The following CUBN variants were observed in gnomAD, a reference collection of about 807,000 sequenced individuals.
CUBN encodes the protein cubilin, also known as 460 kDa receptor.
A neutral mutation model predicts 405.3 loss-of-function variants in CUBN; 282 were observed. The ratio of observed to expected loss-of-function variants is 0.70; its 90% CI spans 0.63 to 0.77. The LOEUF (loss-of-function observed/expected upper bound fraction) is 0.77. CUBN is among the 30% of genes least tolerant of loss of function. The probability of loss-of-function intolerance (pLI) is 0.00; values close to 1 mark genes in which losing one functional copy is unlikely to be tolerated. For missense variants in CUBN, 4,514 were observed against 4,475.2 expected, an observed-to-expected ratio of 1.01 and a Z score of -0.25; for synonymous variants, 1,684 against 1,617.0, an observed-to-expected ratio of 1.04 and a Z score of -0.99.
chr10:17,012,063 G>C (rs1352366098), intron 28 of CUBN, among the ~76,000 whole-genome samples: 3 of 152,144 alleles, frequency 2.0e-5, no homozygotes, highest in Admixed American at 1.3e-4. Flanking sequence ...AACTCTTTAG[G>C]CTAATGAAAG....
At chr10:17,074,087 T>C (rs1008192697) in intron 17 of CUBN, among the ~76,000 whole-genome samples, 6 of 152,224 alleles carry the variant, frequency 3.9e-5, no homozygotes, top group African/African-American at 1.4e-4. Flanking sequence ...CATCCAAATA[T>C]TAATTCATTC....
chr10:17,045,494 A>T (rs1256642218), intron 24 of CUBN, among the ~76,000 whole-genome samples: 1 of 150,976 alleles, frequency 6.6e-6, no homozygotes, highest in Non-Finnish European at 1.5e-5. Context: ...CTAGTAGCTG[A>T]GATTATAGGC....
chr10:17,088,227 T>C lies in CUBN; in HGVS notation c.1884A>G (p.Val628=), dbSNP rs1318230641. 2.5e-6 allele frequency: 4 copies of C among 1,613,872 alleles called. No individual in the cohort carries two copies. The South Asian group carries it at 4.4e-5, about 18-fold the overall frequency. Residue 628 remains valine (V), a synonymous_variant, in exon 15 of 67, where the codon GTA becomes GTG. Coordinates refer to ENST00000377833, the MANE Select transcript of CUBN (RefSeq NM_001081.4). ...WIVVTSPDLL[V]TFTFGTLSLE... The stretch of plus-strand genomic sequence containing the variant: ...GGCTCAAGGTCCCAAAAGTAAATGT[T>C]ACCAGGAGGTCAGGACTAGTTACAA...
intron 36 of CUBN, among the ~76,000 whole-genome samples, chr10:16,940,528 A>G (rs1842625605): frequency 6.6e-6 from 1 of 152,230 alleles, no homozygotes; most frequent in South Asian, 2.1e-4. Context: ...TGTGAGTGCC[A>G]TCAGAGTTAT....
chr10:16,925,607 A>C lies in CUBN; in HGVS notation c.6439T>G (p.Cys2147Gly), dbSNP rs757725121. 6.2e-7 allele frequency: 1 copy of C among 1,613,936 alleles called. No individual in the cohort carries two copies. The highest frequency in any genetic ancestry group is 1.3e-5 in the African/African-American group (1 of 74,912). ...PFQIPNGDSS[C>G]NQGDYLVLRN... ...ACCACCAAGTAATCCCCCTGGTTGCAAGAAGAATCTCCATTTGGAATCTGG... is the reference window on the plus strand; with the variant it reads ...ACCACCAAGTAATCCCCCTGGTTGCCAGAAGAATCTCCATTTGGAATCTGG... The change falls in exon 42 of 67, where the codon TGC (cysteine) becomes GGC (glycine). Residue 2147 changes from cysteine to glycine, a missense_variant. Physicochemically the swap from Cys to Gly is radical, Grantham distance 159. Transcript: ENST00000377833.
intron 6 of CUBN, among the ~76,000 whole-genome samples, chr10:17,118,610 A>G (rs1049253917): frequency 6.6e-6 from 1 of 152,038 alleles, no homozygotes; most frequent in Non-Finnish European, 1.5e-5. Flanking sequence ...TAAGTATTGC[A>G]TTTTTTGGTA....
chr10:16,981,063 C>T (rs1833256388), intron 31 of CUBN, among the ~76,000 whole-genome samples: 1 of 151,854 alleles, frequency 6.6e-6, no homozygotes, highest in South Asian at 2.1e-4. Flanking sequence ...CACCCTCAAG[C>T]CTGGATCTGC....
intron 41 of CUBN, among the ~76,000 whole-genome samples, chr10:16,927,724 C>T (rs1367774996): frequency 9.9e-5 from 15 of 152,226 alleles, no homozygotes; most frequent in Admixed American, 9.8e-4. Flanking sequence ...TCAAGAGCAA[C>T]AAACTCTTCC....
chr10:16,904,971 C>A (rs993102538), intron 50 of CUBN, among the ~76,000 whole-genome samples: 2 of 152,178 alleles, frequency 1.3e-5, no homozygotes, highest in Non-Finnish European at 2.9e-5. Flanking sequence ...CTGGCTGAGG[C>A]CCTTGGCCCG....
At position 17,084,379 on chromosome 10, in the gene CUBN, G is replaced by A; in HGVS notation, c.2193C>T (p.Thr731=). 1 of 1,614,094 alleles carries A rather than the reference G, an allele frequency of 6.2e-7. No homozygotes were observed. The highest frequency in any genetic ancestry group is 1.3e-5 in the African/African-American group (1 of 75,046). Residue 731 remains threonine, a synonymous_variant, in exon 17 of 67, where the codon ACC becomes ACT. Transcript: ENST00000377833. The part of the protein sequence containing the change: ...LPELSGPFTH[T]RQCVYMMKQP... The stretch of plus-strand genomic sequence containing the variant: ...GCTTCATCATATAGACGCATTGCCT[G>A]GTGTGAGTGAAAGGCCCAGACAACT...
chr10:17,123,745 G>C, intron 4 of CUBN, 56 bp from the exon 5 acceptor site: 1 of 1,209,662 alleles, frequency 8.3e-7, no homozygotes, highest in Admixed American at 1.8e-5. Context: ...GCAACAAAAC[G>C]CATGTTACCG....
intron 58 of CUBN, among the ~76,000 whole-genome samples, chr10:16,872,061 C>A (rs1840370067): frequency 6.6e-6 from 1 of 150,686 alleles, no homozygotes; most frequent in Non-Finnish European, 1.5e-5. Flanking sequence ...TCCATCTCTA[C>A]TAAATATATA....
intron 59 of CUBN, among the ~76,000 whole-genome samples, chr10:16,862,160 T>TCTCTCTCTCTCACACACA (rs144560387): frequency 2.3e-5 from 3 of 131,208 alleles, no homozygotes; most frequent in African/African-American, 9.7e-5. Context: ...TCTCTCTCTC[T>TCTCTCTCTCTCACACACA]CACACACACA....
At chr10:17,042,427 G>A (rs1288651248) in intron 26 of CUBN, among the ~76,000 whole-genome samples, 1 of 151,982 alleles carries the variant, frequency 6.6e-6, no homozygotes, top group African/African-American at 2.4e-5. Context: ...AATTTCCCAT[G>A]GCAAATTTTA....
At chr10:17,025,286 T>G (rs575551618) in intron 27 of CUBN, among the ~76,000 whole-genome samples, 2 of 152,196 alleles carry the variant, frequency 1.3e-5, no homozygotes, top group Non-Finnish European at 2.9e-5. Flanking sequence ...TGAGTGTCAC[T>G]AATAGAAGAT....
At chr10:16,955,770 C>T (rs1382732051) in intron 31 of CUBN, among the ~76,000 whole-genome samples, 1 of 152,190 alleles carries the variant, frequency 6.6e-6, no homozygotes, top group Admixed American at 6.5e-5. Flanking sequence ...ACAACAGAGG[C>T]ACAGAGAGCC....
chr10:16,848,736 C>G (rs900708058), intron 60 of CUBN, among the ~76,000 whole-genome samples: 1 of 112,358 alleles, frequency 8.9e-6, no homozygotes, highest in Non-Finnish European at 1.7e-5. Context: ...GTATCTCACT[C>G]TGTTGCCCAG....
chr10:16,985,176 G>A (rs1030670156), intron 29 of CUBN, among the ~76,000 whole-genome samples: 2 of 152,238 alleles, frequency 1.3e-5, no homozygotes, highest in Admixed American at 6.5e-5. Context: ...GTTGCCTTTT[G>A]GCCTGCCACG....
intron 17 of CUBN, among the ~76,000 whole-genome samples, chr10:17,076,580 T>C (rs1013048379): frequency 6.6e-6 from 1 of 152,084 alleles, no homozygotes; most frequent in Non-Finnish European, 1.5e-5. Context: ...TGTAAAAGGA[T>C]TGACTATCTA....
Sources: allele counts gnomAD v4.1 joint callset (sites outside exome capture counted in the v4.1 genomes callset), GRCh38; gene constraint gnomAD v4.1.1; transcripts MANE v1.5; gene names NCBI Gene and HGNC (gene_info 2026-07-23, HGNC 2026-07-21).